Variants in CCDC171 observed in about 807,000 individuals in gnomAD.
The protein encoded by CCDC171 is coiled-coil domain containing 171.
In CCDC171, 177 loss-of-function variants were observed where a neutral mutation model predicts 168.2. That is an observed-to-expected ratio of 1.05 (90% CI 0.93 to 1.19). CCDC171 has a LOEUF of 1.19. CCDC171 is among the 50% of genes most tolerant of loss of function. The pLI is 0.00. For missense variants in CCDC171, 1,991 were observed against 1,539.0 expected (o/e 1.29, Z -4.91); for synonymous variants, 687 against 540.8 (o/e 1.27, Z -3.75).
chr9:15,980,715 T>C lies in CCDC171; in HGVS notation n.369-39874T>C, dbSNP rs180894626. Among the ~76,000 whole-genome samples the C allele has an allele frequency of 1.5e-3, 224 of 152,022 alleles. 1 individual carries two copies. The highest frequency in any genetic ancestry group is 5.2e-3 in the African/African-American group (215 of 41,364). On this transcript the variant is annotated intron_variant and non_coding_transcript_variant, in intron 3 of 9. Coordinates refer to the CCDC171 transcript ENST00000486641. ...CATATATTCTGTTATAATGTCATGGTTGATATTCTTGGGTGTTGCTCATTT... is the reference window on the plus strand; with the variant it reads ...CATATATTCTGTTATAATGTCATGGCTGATATTCTTGGGTGTTGCTCATTT...
At chr9:15,737,218 CTG>C (rs1467040410) in intron 16 of CCDC171, among the ~76,000 whole-genome samples, 4 of 151,848 alleles carry the variant, frequency 2.6e-5, no homozygotes, top group South Asian at 4.2e-4. Context: ...ATATAGCACA[CTG>C]TGTTGCATGC....
chr9:15,858,101 T>G (rs748841401), intron 23 of CCDC171, among the ~76,000 whole-genome samples: 14 of 152,056 alleles, frequency 9.2e-5, no homozygotes, highest in Non-Finnish European at 2.9e-5. Flanking sequence ...CACTGTAGCC[T>G]TCCCCTCCTG....
chr9:16,051,643 G>A (rs1833751690), intron 1 of CCDC171, among the ~76,000 whole-genome samples: 2 of 152,172 alleles, frequency 1.3e-5, no homozygotes, highest in Admixed American at 1.3e-4. Flanking sequence ...CCCAGCATGA[G>A]TGCACCATGA....
chr9:15,634,649 G>A (rs1478266169), intron 7 of CCDC171, among the ~76,000 whole-genome samples: 2 of 152,160 alleles, frequency 1.3e-5, no homozygotes, highest in African/African-American at 4.8e-5. Flanking sequence ...ACACTTTATA[G>A]AGATGTAATT....
At position 15,640,902 on chromosome 9, in the gene CCDC171, G is replaced by C. The variant is rs558192860; in HGVS notation, c.823-16225G>C. ...CTTCTGTTTAAGGGCTCAAAAGATA[G>C]TATTAACAAGTGTGCCCCCCTTCCC... On this transcript the variant is annotated intron_variant, in intron 7 of 25. Transcript: ENST00000380701. 3.3e-5 allele frequency among the ~76,000 whole-genome samples: 5 copies of C among 152,162 alleles called. No individual in the cohort carries two copies. The East Asian group carries it at 5.8e-4, about 18-fold the overall frequency.
chr9:15,829,773 A>T (rs2060154727), intron 21 of CCDC171, among the ~76,000 whole-genome samples: 1 of 152,074 alleles, frequency 6.6e-6, no homozygotes, highest in Admixed American at 6.6e-5. Flanking sequence ...ATAAAAAATT[A>T]GCCAGGTGTG....
chr9:15,738,514 C>T (rs1382723147), intron 16 of CCDC171, among the ~76,000 whole-genome samples: 1 of 152,036 alleles, frequency 6.6e-6, no homozygotes, highest in Non-Finnish European at 1.5e-5. Flanking sequence ...CACTGAGGAG[C>T]AGGTTATTTC....
chr9:15,579,977 T>C (rs534476733), intron 4 of CCDC171, among the ~76,000 whole-genome samples: 33 of 152,292 alleles, frequency 2.2e-4, no homozygotes, highest in African/African-American at 7.7e-4. Flanking sequence ...AATTCAGATT[T>C]AGATTTAGGT....
intron 9 of CCDC171, among the ~76,000 whole-genome samples, chr9:15,677,879 CATAT>C (rs71325929): frequency 0.043 from 535 of 12,444 alleles, 10 homozygotes; most frequent in Non-Finnish European, 0.064. Context: ...GTGTGTGTGT[CATAT>C]ATATATATAT....
At chr9:15,943,005 G>A (rs142058978) in intron 25 of CCDC171, among the ~76,000 whole-genome samples, 8 of 152,068 alleles carry the variant, frequency 5.3e-5, no homozygotes, top group East Asian at 1.9e-4. Context: ...AAACCAAGCC[G>A]TATAAGGAGA....
intron 21 of CCDC171, among the ~76,000 whole-genome samples, chr9:15,795,672 A>C (rs1046435664): frequency 1.3e-5 from 2 of 152,202 alleles, no homozygotes; most frequent in African/African-American, 4.8e-5. Flanking sequence ...ACTAGGAGAG[A>C]TCTACCTGTG....
chr9:15,766,747 C>T (rs996110622), intron 18 of CCDC171, among the ~76,000 whole-genome samples: 2 of 152,122 alleles, frequency 1.3e-5, no homozygotes, highest in Admixed American at 6.6e-5. Flanking sequence ...CTTCAAATTT[C>T]TGGGCCCAAG....
At chr9:15,623,475 G>GCGCGCGCACGCGCGCACACA in intron 7 of CCDC171, 62 bp downstream of exon 7, 32 of 315,440 alleles carry the variant, frequency 1.0e-4, no homozygotes, top group Admixed American at 3.0e-4. Context: ...GCGCGCGCGC[G>GCGCGCGCACGCGCGCACACA]CACACACACA....
At chr9:15,967,016 A>T (rs376759678) in intron 25 of CCDC171, among the ~76,000 whole-genome samples, 146 of 152,308 alleles carry the variant, frequency 9.6e-4, no homozygotes, top group African/African-American at 3.4e-3. Context: ...GATATAAAAT[A>T]GAGTATTCCA....
intron 23 of CCDC171, among the ~76,000 whole-genome samples, chr9:15,866,064 A>G (rs1014890508): frequency 6.6e-6 from 1 of 151,992 alleles, no homozygotes; most frequent in Non-Finnish European, 1.5e-5. Flanking sequence ...ATGACTAAAT[A>G]TTCTAAGTTC....
At chr9:16,040,483 G>A (rs1000016648), upstream of CCDC171, among the ~76,000 whole-genome samples, 10 of 152,200 alleles carry the variant, frequency 6.6e-5, no homozygotes, top group Non-Finnish European at 1.5e-4. Flanking sequence ...GCAGGCGGCT[G>A]CGAAGCTTTG....
intron 2 of CCDC171, among the ~76,000 whole-genome samples, chr9:15,570,076 T>TCTC (rs1458641236): frequency 2.0e-5 from 3 of 152,094 alleles, no homozygotes; most frequent in Admixed American, 2.0e-4. Flanking sequence ...GTTCAAGGAT[T>TCTC]CTCCTGCCTT....
At chr9:15,578,046 T>C (rs1015025836) in intron 3 of CCDC171, among the ~76,000 whole-genome samples, 2 of 152,172 alleles carry the variant, frequency 1.3e-5, no homozygotes, top group African/African-American at 4.8e-5. Context: ...CTTTTATTAC[T>C]TTATGATCAG....
At chr9:16,036,911 A>G (rs76017492) in intron 8 of CCDC171, among the ~76,000 whole-genome samples, 76 of 152,346 alleles carry the variant, frequency 5.0e-4, no homozygotes, top group African/African-American at 1.8e-3. Context: ...GTTAAGTGAG[A>G]TAAGTCAGGC....
Sources: allele counts gnomAD v4.1 joint callset (sites outside exome capture counted in the v4.1 genomes callset), GRCh38; gene constraint gnomAD v4.1.1; transcripts MANE v1.5; gene names NCBI Gene and HGNC (gene_info 2026-07-23, HGNC 2026-07-21).